The following BACH2 variants were observed in gnomAD, a reference collection of about 807,000 sequenced individuals.
The protein encoded by BACH2 is BACH transcriptional regulator 2, also known as transcription regulator protein BACH2.
Under a neutral mutation model 61.8 loss-of-function variants are expected in BACH2, and 5 were observed. The ratio of observed to expected loss-of-function variants is 0.08; its 90% confidence interval spans 0.04 to 0.17. The LOEUF is 0.17. Ranked by LOEUF, BACH2 falls within the 10% of genes least tolerant of loss-of-function variation. The pLI is 1.00. For missense variants in BACH2, 824 were observed against 1,091.1 expected (o/e 0.76, Z 3.45); for synonymous variants, 446 against 440.1 (o/e 1.01, Z -0.17).
intron 4 of BACH2, among the ~76,000 whole-genome samples, chr6:90,175,839 C>T (rs561362137): frequency 3.9e-4 from 60 of 152,036 alleles, no homozygotes; most frequent in Non-Finnish European, 7.8e-4. Flanking sequence ...CTAGAGACAC[C>T]CCTCCTCTAT....
chr6:90,237,783 G>C (rs1770308265), intron 3 of BACH2, among the ~76,000 whole-genome samples: 1 of 152,188 alleles, frequency 6.6e-6, no homozygotes, highest in Admixed American at 6.5e-5. Flanking sequence ...TGACAAGGAA[G>C]AAAGGCCACA....
chr6:89,970,297 G>A (rs1282008475), intron 6 of BACH2, among the ~76,000 whole-genome samples: 3 of 152,172 alleles, frequency 2.0e-5, no homozygotes, highest in African/African-American at 7.2e-5. Flanking sequence ...GAAGTGAAGC[G>A]CCGCCGACAG....
At chr6:89,986,918 A>G (rs55809194) in intron 6 of BACH2, among the ~76,000 whole-genome samples, 6,545 of 152,308 alleles carry the variant, frequency 0.043, 202 homozygotes, top group Non-Finnish European at 0.069. Context: ...AATGATACGA[A>G]AAAATGAGGT....
intron 6 of BACH2, among the ~76,000 whole-genome samples, chr6:89,982,900 T>G (rs550029892): frequency 1.3e-5 from 2 of 152,304 alleles, no homozygotes; most frequent in South Asian, 4.1e-4. Context: ...TGTTTTCTTT[T>G]CCCCATTCCT....
intron 4 of BACH2, among the ~76,000 whole-genome samples, chr6:90,204,234 A>G (rs1039201791): frequency 6.6e-6 from 1 of 152,146 alleles, no homozygotes; most frequent in Non-Finnish European, 1.5e-5. Context: ...GAGGAAGAGG[A>G]GAGTGCACAA....
chr6:89,974,568 C>T (rs1344709164), intron 6 of BACH2, among the ~76,000 whole-genome samples: 1 of 152,218 alleles, frequency 6.6e-6, no homozygotes, highest in Non-Finnish European at 1.5e-5. Context: ...ATGCATCATG[C>T]TGTGTTAGCA....
At chr6:90,110,841 C>T (rs1269930241) in intron 4 of BACH2, among the ~76,000 whole-genome samples, 4 of 152,178 alleles carry the variant, frequency 2.6e-5, no homozygotes, top group Non-Finnish European at 4.4e-5. Context: ...TGGAGATAAC[C>T]AGTACACTCT....
intron 1 of BACH2, among the ~76,000 whole-genome samples, chr6:90,283,500 C>T (rs552976409): frequency 1.2e-4 from 18 of 151,862 alleles, no homozygotes; most frequent in African/African-American, 3.6e-4. Context: ...CTCAGCCTCC[C>T]GAGCAGCTGG....
At chr6:90,266,089 A>G (rs1562533474) in intron 2 of BACH2, among the ~76,000 whole-genome samples, 1 of 152,138 alleles carries the variant, frequency 6.6e-6, no homozygotes, top group Non-Finnish European at 1.5e-5. Flanking sequence ...ACATTCTACA[A>G]GCTCCAACCC....
intron 1 of BACH2, among the ~76,000 whole-genome samples, chr6:90,281,708 G>T (rs1771864316): frequency 6.6e-6 from 1 of 151,860 alleles, no homozygotes; most frequent in African/African-American, 2.4e-5. Flanking sequence ...CATATTGTTT[G>T]TAAGATTCAT....
At chr6:90,253,244 C>CA (rs200696107) in intron 2 of BACH2, among the ~76,000 whole-genome samples, 166 of 142,258 alleles carry the variant, frequency 1.2e-3, no homozygotes, top group Middle Eastern at 0.011. Flanking sequence ...AATCTTGCCT[C>CA]AAAAAAAAAA....
intron 7 of BACH2, among the ~76,000 whole-genome samples, chr6:89,942,698 T>G (rs1263146799): frequency 6.6e-6 from 1 of 152,106 alleles, no homozygotes. Context: ...GCGCCACTCT[T>G]TAGCCAGGGG....
chr6:89,953,221 C>T (rs75402896), intron 6 of BACH2: 83 of 152,304 alleles, frequency 5.4e-4, no homozygotes, highest in African/African-American at 2.0e-3. Flanking sequence ...ACATTCACTC[C>T]TTTGGGAGTG....
At chr6:90,274,838 T>C (rs1034786341) in intron 1 of BACH2, among the ~76,000 whole-genome samples, 3 of 152,210 alleles carry the variant, frequency 2.0e-5, no homozygotes, top group African/African-American at 7.2e-5. Flanking sequence ...CATAAGTGCA[T>C]AATCTTTGCA....
chr6:90,125,981 T>C (rs1783832867), intron 4 of BACH2, among the ~76,000 whole-genome samples: 1 of 152,192 alleles, frequency 6.6e-6, no homozygotes, highest in Non-Finnish European at 1.5e-5. Flanking sequence ...GCAAGAGCAC[T>C]ATGCCAGGTG....
intron 4 of BACH2, among the ~76,000 whole-genome samples, chr6:90,177,572 C>T (rs1013480154): frequency 4.6e-5 from 7 of 152,170 alleles, no homozygotes; most frequent in Admixed American, 3.9e-4. Flanking sequence ...ACGTTAGCTC[C>T]TTGGGCCTCT....
At chr6:90,097,843 A>C (rs1782442760) in intron 4 of BACH2, among the ~76,000 whole-genome samples, 1 of 152,232 alleles carries the variant, frequency 6.6e-6, no homozygotes, top group South Asian at 2.1e-4. Flanking sequence ...AAAAAGAAGT[A>C]GAAAGAAAAG....
Position 90,055,169 on chromosome 6 carries a change from T to C in BACH2, c.-13+33792A>G, listed in dbSNP as rs559642675. Among the ~76,000 whole-genome samples, 14 of 152,184 alleles carry C rather than the reference T, an allele frequency of 9.2e-5. No homozygotes were observed. The South Asian group carries it at 2.5e-3, about 27-fold the overall frequency. On this transcript the variant is annotated intron_variant, in intron 5 of 8. Coordinates refer to ENST00000257749, the MANE Select transcript of BACH2 (RefSeq NM_021813.4). ...AGAAGAAGGCTTCAGATGATCAAAC[T>C]ACTCTGAGCTACAGGAGGAGCTTTG...
intron 4 of BACH2, among the ~76,000 whole-genome samples, chr6:90,131,057 A>C (rs890106379): frequency 2.0e-5 from 3 of 152,182 alleles, no homozygotes; most frequent in African/African-American, 7.2e-5. Flanking sequence ...ATTGACTTTC[A>C]CATCAGTATC....
Sources: gnomAD v4.1 joint callset for allele counts (sites outside exome capture counted in the v4.1 genomes callset) on GRCh38, gnomAD v4.1.1 for gene constraint, MANE v1.5 for transcripts, NCBI Gene and HGNC (gene_info 2026-07-23, HGNC 2026-07-21) for gene names.